The following TBCD variants were observed in gnomAD, a reference collection of about 807,000 sequenced individuals.
The protein encoded by TBCD is tubulin folding cofactor D.
In TBCD, 105 loss-of-function variants were observed where a neutral mutation model predicts 169.3. The observed-to-expected ratio is 0.62, with a 90% CI of 0.53 to 0.73. The LOEUF is 0.73. Ranked by LOEUF, TBCD falls within the 30% of genes least tolerant of loss-of-function variation. The pLI is 0.00. For synonymous variants in TBCD, 700 were observed against 643.9 expected, an observed-to-expected ratio of 1.09 and a Z score of -1.32; for missense variants, 1,444 against 1,600.1, an observed-to-expected ratio of 0.90 and a Z score of 1.66.
intron 23 of TBCD, chr17:82,918,414 C>T (rs1414962289): frequency 6.6e-6 from 1 of 152,118 alleles, no homozygotes; most frequent in Non-Finnish European, 1.5e-5. Context: ...CGTGGCATTT[C>T]GAGGTGGGCA....
Position 82,831,218 on chromosome 17 carries a change from C to T in TBCD, c.1318+16284C>T. 1.9e-6 allele frequency: 3 copies of T among 1,614,038 alleles called. No individual in the cohort carries two copies. The African/African-American group carries it at 4.0e-5, about 22-fold the overall frequency. Reference sequence around the variant, plus strand: ...ATGAAGTCGGTGGGGCTCGGCCTCCCTGGGGAGCCCGTGGCTGCACTCCCT... The same window carrying T: ...ATGAAGTCGGTGGGGCTCGGCCTCCTTGGGGAGCCCGTGGCTGCACTCCCT... On this transcript the variant is annotated intron_variant, in intron 13 of 38. Transcript: ENST00000355528. The surrounding 1 kb of genome is among the most constrained non-coding windows in gnomAD (Gnocchi z 4.6).
rs549368279 is a variant in TBCD at position 82,839,126 on chromosome 17, C to A, written c.1318+24192C>A. On this transcript the variant is annotated intron_variant, in intron 13 of 38. Coordinates refer to ENST00000355528, the MANE Select transcript of TBCD (RefSeq NM_005993.5). ...AAAGCTTATGCCCAATTTTAAACTT[C>A]ATGTAAGCTTATGTACTTATTTTAA... Among the ~76,000 whole-genome samples the A allele has an allele frequency of 1.9e-4, 29 of 152,334 alleles. No individual in the cohort carries two copies. The South Asian group carries it at 6.0e-3, about 32-fold the overall frequency.
At chr17:82,878,603 G>A (rs949239690) in intron 14 of TBCD, among the ~76,000 whole-genome samples, 1 of 152,208 alleles carries the variant, frequency 6.6e-6, no homozygotes, top group Non-Finnish European at 1.5e-5. Context: ...GGTCCTGCGT[G>A]GTCTGGACCT....
At chr17:82,844,630 T>C (rs1282434001) in intron 13 of TBCD, among the ~76,000 whole-genome samples, 1 of 152,180 alleles carries the variant, frequency 6.6e-6, no homozygotes, top group East Asian at 1.9e-4. Context: ...TCCGTGGTCC[T>C]GGTGCTGCCT....
chr17:82,898,390 A>G (rs928234022), intron 17 of TBCD, among the ~76,000 whole-genome samples: 1 of 152,020 alleles, frequency 6.6e-6, no homozygotes, highest in African/African-American at 2.4e-5. Context: ...TGGTGGGAGC[A>G]CACGGCTGCT....
chr17:82,795,411 C>T (rs982571279), intron 7 of TBCD: 10 of 367,302 alleles, frequency 2.7e-5, no homozygotes, highest in South Asian at 2.2e-4. Flanking sequence ...GTCCTGCGTC[C>T]GCCCACAGCT....
At chr17:82,881,949 G>A (rs547862014) in intron 14 of TBCD, among the ~76,000 whole-genome samples, 94 of 151,110 alleles carry the variant, frequency 6.2e-4, no homozygotes, top group Non-Finnish European at 1.2e-3. Context: ...TCCCTCCTAG[G>A]CAGAGCCTGT....
intron 1 of TBCD, among the ~76,000 whole-genome samples, chr17:82,752,811 A>ATGTTG (rs1410753394): frequency 6.6e-6 from 1 of 152,138 alleles, no homozygotes; most frequent in African/African-American, 2.4e-5. Context: ...GTTTCTGTGA[A>ATGTTG]TGTTGTGTGG....
intron 4 of TBCD, among the ~76,000 whole-genome samples, chr17:82,766,753 T>C (rs1400168804): frequency 6.6e-6 from 1 of 152,178 alleles, no homozygotes; most frequent in Non-Finnish European, 1.5e-5. Context: ...CTGTCACTTG[T>C]TATGGCAAAA....
intron 13 of TBCD, among the ~76,000 whole-genome samples, chr17:82,849,931 CTGTTGGCTGTGCTGT>C (rs1567886452): frequency 1.9e-4 from 25 of 133,446 alleles, no homozygotes; most frequent in Non-Finnish European, 3.3e-4. Context: ...GGCTGTTTTG[CTGTTGGCTGTGCTGT>C]TGTTGCCTGT....
chr17:82,847,514 G>A (rs931768118), intron 13 of TBCD, among the ~76,000 whole-genome samples: 1 of 152,198 alleles, frequency 6.6e-6, no homozygotes. Context: ...TTTGGGGAAA[G>A]CTTTCTTTCT....
chr17:82,877,562 G>A (rs1169154069), intron 14 of TBCD, among the ~76,000 whole-genome samples: 2 of 152,052 alleles, frequency 1.3e-5, no homozygotes, highest in African/African-American at 2.4e-5. Flanking sequence ...GGCTGTTCTC[G>A]AACTCCTGAT....
At chr17:82,814,038 A>C (rs1486366139) in intron 12 of TBCD, among the ~76,000 whole-genome samples, 2 of 152,220 alleles carry the variant, frequency 1.3e-5, no homozygotes, top group East Asian at 3.8e-4. Context: ...TAGAATCAGG[A>C]GAGCTTCTGA....
rs1201767711 is a variant in TBCD, at chr17:82,858,628, CACAGG to C, written c.1319-11592_1319-11588del. 3.2e-5 allele frequency: 32 copies of C among 985,426 alleles called. No individual in the cohort carries two copies. The African/African-American group carries it at 5.2e-4, about 16-fold the overall frequency. The allele number at this position is 985,426 out of a possible 1,614,324, so 61.0% of individuals were successfully genotyped here. A position where few individuals can be genotyped will look rare whatever the true frequency, so the allele number is the denominator to read the frequency against. ...TGGTTCGCTGGGTGTGCCTCACAGACACAGGACACTTTTTAGGGTTGCTTTTGAAT... is the reference window on the plus strand; with the variant it reads ...TGGTTCGCTGGGTGTGCCTCACAGACACACTTTTTAGGGTTGCTTTTGAAT... On this transcript the variant is annotated intron_variant, in intron 13 of 38. Coordinates refer to ENST00000355528, the MANE Select transcript of TBCD (RefSeq NM_005993.5).
chr17:82,939,005 G>A (rs1177180606), intron 36 of TBCD: 42 of 359,190 alleles, frequency 1.2e-4, no homozygotes, highest in Non-Finnish European at 4.1e-5. Context: ...GGAGCAGGTT[G>A]GTTAATAGCA....
chr17:82,921,688 C>A, intron 25 of TBCD, 111 bp downstream of exon 25: 2 of 931,904 alleles, frequency 2.1e-6, no homozygotes, highest in Non-Finnish European at 3.5e-6. Context: ...CTGCAGTAGC[C>A]TGATAACTGA....
chr17:82,903,519 C>T lies in TBCD; in HGVS notation c.1804+41C>T, dbSNP rs999100301. Reference sequence around the variant, plus strand: ...GGCCGGCCTGCGGGCACCATGCATGCACTGCAGAAAGGCCTGGGTTGCTGG... The same window carrying T: ...GGCCGGCCTGCGGGCACCATGCATGTACTGCAGAAAGGCCTGGGTTGCTGG... On this transcript the variant is annotated intron_variant, in intron 19 of 38. Coordinates refer to ENST00000355528, the MANE Select transcript of TBCD (RefSeq NM_005993.5). The surrounding 1 kb of genome is among the most constrained non-coding windows in gnomAD (Gnocchi z 4.8). 2 of 1,552,860 alleles carry T rather than the reference C, an allele frequency of 1.3e-6. No homozygotes were observed. The highest frequency in any genetic ancestry group is 1.7e-6 in the Non-Finnish European group (2 of 1,144,328).
In TBCD at chr17:82,922,014, G is replaced by C. The variant is rs544339838; in HGVS notation, c.2178+437G>C. 3.3e-5 allele frequency among the ~76,000 whole-genome samples: 5 copies of C among 152,168 alleles called. No individual in the cohort carries two copies. In the East Asian group the frequency reaches 9.6e-4, roughly 29 times the overall value. ...TGTGTGGGTGCCAGTGTGTGTGTGTGTCCCCGGCCACCTGCCCTCCCCTCC... is the reference window on the plus strand; with the variant it reads ...TGTGTGGGTGCCAGTGTGTGTGTGTCTCCCCGGCCACCTGCCCTCCCCTCC... On this transcript the variant is annotated intron_variant, in intron 25 of 38. Coordinates refer to ENST00000355528, the MANE Select transcript of TBCD (RefSeq NM_005993.5). This position sits in a 1 kb window ranked among gnomAD's most constrained non-coding sequence, Gnocchi z 4.1.
intron 34 of TBCD, among the ~76,000 whole-genome samples, chr17:82,934,125 C>T (rs1027075180): frequency 2.0e-5 from 3 of 152,240 alleles, no homozygotes; most frequent in South Asian, 2.1e-4. Flanking sequence ...GGTTAGTCCT[C>T]AGCGGCCCCC....
Sources: allele counts gnomAD v4.1 joint callset (sites outside exome capture counted in the v4.1 genomes callset), GRCh38; gene constraint gnomAD v4.1.1; non-coding constraint Gnocchi (gnomAD v3.1); transcripts MANE v1.5; gene names NCBI Gene and HGNC (gene_info 2026-07-23, HGNC 2026-07-21).